The following STT3B variants were observed in gnomAD, a reference collection of about 807,000 sequenced individuals.
STT3B encodes STT3 oligosaccharyltransferase complex catalytic subunit B.
STT3B carries 29 observed loss-of-function variants against 96.8 expected under a neutral mutation model. That is an observed-to-expected ratio of 0.30 (90% confidence interval 0.22 to 0.41). The LOEUF is 0.41. STT3B is among the 10% of genes least tolerant of loss of function. The pLI is 1.00. For synonymous variants in STT3B, 367 were observed against 360.0 expected (o/e 1.02, Z -0.22); for missense variants, 640 against 1,022.3 (o/e 0.63, Z 5.10).
At chr3:31,614,574 C>T (rs556076596) in intron 5 of STT3B, among the ~76,000 whole-genome samples, 3 of 151,874 alleles carry the variant, frequency 2.0e-5, no homozygotes, top group Non-Finnish European at 4.4e-5. Flanking sequence ...TCTTTAATTA[C>T]AGAAAACTTG....
At chr3:31,629,639 G>A (rs1699609967) in intron 14 of STT3B, among the ~76,000 whole-genome samples, 1 of 152,048 alleles carries the variant, frequency 6.6e-6, no homozygotes, top group East Asian at 1.9e-4. Context: ...ATTAACAGTA[G>A]CCTCAAATCC....
intron 9 of STT3B, among the ~76,000 whole-genome samples, chr3:31,620,460 A>G (rs1056575889): frequency 6.6e-6 from 1 of 152,150 alleles, no homozygotes; most frequent in African/African-American, 2.4e-5. Context: ...TTATTTAAGT[A>G]GGAAGAAGTT....
At chr3:31,537,024 G>T (rs1697118292) in intron 1 of STT3B, among the ~76,000 whole-genome samples, 2 of 152,190 alleles carry the variant, frequency 1.3e-5, no homozygotes, top group Admixed American at 1.3e-4. Flanking sequence ...GCCTTAGCAG[G>T]TTATAAAGTG....
chr3:31,624,855 A>T lies in STT3B; in HGVS notation c.1728-59A>T. 5.1e-6 allele frequency: 7 copies of T among 1,385,410 alleles called. No individual in the cohort carries two copies. The South Asian group carries it at 9.1e-5, about 18-fold the overall frequency. The allele number at this position is 1,385,410 out of a possible 1,614,324, so 85.8% of individuals were successfully genotyped here. A position where few individuals can be genotyped will look rare whatever the true frequency, so the allele number is the denominator to read the frequency against. On this transcript the variant is annotated intron_variant, in intron 11 of 15. Transcript: ENST00000295770. ...CAGTGGTTTAATACCTCAAGATTTT[A>T]AGTTAGCCTCTTCACATTTGTGACA...
intron 9 of STT3B, among the ~76,000 whole-genome samples, chr3:31,620,846 G>C (rs1351578247): frequency 3.3e-5 from 5 of 152,146 alleles, no homozygotes; most frequent in African/African-American, 1.2e-4. Flanking sequence ...ACATGAATCA[G>C]GAAAGAAAGA....
intron 1 of STT3B, among the ~76,000 whole-genome samples, chr3:31,566,332 C>T (rs1698005280): frequency 6.6e-6 from 1 of 152,150 alleles, no homozygotes; most frequent in Non-Finnish European, 1.5e-5. Context: ...CCATCTTGAC[C>T]ACTTCATGGC....
chr3:31,625,751 T>G (rs551288932), intron 12 of STT3B, among the ~76,000 whole-genome samples: 131 of 152,320 alleles, frequency 8.6e-4, no homozygotes, highest in African/African-American at 2.9e-3. Flanking sequence ...TGTATTCTGA[T>G]TTTTGACTGT....
In STT3B at chr3:31,616,938, C is replaced by T. The variant is rs1699319037; in HGVS notation, c.986C>T (p.Ala329Val). 1 of 1,603,506 alleles carries T rather than the reference C, an allele frequency of 6.2e-7. No homozygotes were observed. Residue 329 changes from alanine to valine, a missense_variant, in exon 7 of 16, where the codon GCA becomes GTA. This residue lies in a region of STT3B where 267 missense variants were observed against 388.3 expected (regional missense o/e 0.69). Coordinates refer to ENST00000295770, the MANE Select transcript of STT3B (RefSeq NM_178862.3). The part of the protein sequence containing the change: ...SEHMAAAGVF[A>V]LLQAYAFLQY... ...CCTTTTCTTTAATTAGGTGTCTTTG[C>T]ATTGCTGCAAGCTTATGCTTTCTTG...
intron 1 of STT3B, among the ~76,000 whole-genome samples, chr3:31,538,765 T>G (rs900101690): frequency 6.6e-6 from 1 of 152,142 alleles, no homozygotes; most frequent in Non-Finnish European, 1.5e-5. Context: ...CTGTAAATGG[T>G]TAACCTGCTA....
At chr3:31,585,309 C>T (rs1341698430) in intron 3 of STT3B, among the ~76,000 whole-genome samples, 2 of 152,066 alleles carry the variant, frequency 1.3e-5, no homozygotes, top group South Asian at 2.1e-4. Context: ...CCAGCTCTGT[C>T]ACTGGAGGTT....
At chr3:31,563,941 C>T (rs1697939852) in intron 1 of STT3B, among the ~76,000 whole-genome samples, 2 of 152,022 alleles carry the variant, frequency 1.3e-5, no homozygotes, top group Admixed American at 1.3e-4. Context: ...GAGTAGCTGA[C>T]TGCAGCAGGT....
chr3:31,557,763 G>C (rs1382112828), intron 1 of STT3B, among the ~76,000 whole-genome samples: 1 of 152,182 alleles, frequency 6.6e-6, no homozygotes, highest in Non-Finnish European at 1.5e-5. Context: ...CTCCCGAGTA[G>C]CTGGGACCAC....
intron 3 of STT3B, among the ~76,000 whole-genome samples, chr3:31,584,259 C>T (rs1381952058): frequency 6.6e-6 from 1 of 152,186 alleles, no homozygotes; most frequent in Non-Finnish European, 1.5e-5. Flanking sequence ...ACTCTCAATT[C>T]TGTTCCATTC....
At chr3:31,542,886 G>C (rs1697313249) in intron 1 of STT3B, among the ~76,000 whole-genome samples, 1 of 152,054 alleles carries the variant, frequency 6.6e-6, no homozygotes, top group Non-Finnish European at 1.5e-5. Context: ...GGCCAACATG[G>C]TGAAACCCTG....
Position 31,556,130 on chromosome 3 carries a change from C to T in STT3B, c.315-20266C>T, listed in dbSNP as rs540612173. On this transcript the variant is annotated intron_variant, in intron 1 of 15. Coordinates refer to ENST00000295770, the MANE Select transcript of STT3B (RefSeq NM_178862.3). ...ATCAACTTTTTTTTTTTTTCCGTTCCCACGAATGAGTGAGAACTGTGAAAT... is the reference window on the plus strand; with the variant it reads ...ATCAACTTTTTTTTTTTTTCCGTTCTCACGAATGAGTGAGAACTGTGAAAT... 2.0e-5 allele frequency among the ~76,000 whole-genome samples: 3 copies of T among 151,864 alleles called. No homozygotes were observed. The East Asian group carries it at 5.8e-4, about 29-fold the overall frequency.
intron 1 of STT3B, among the ~76,000 whole-genome samples, chr3:31,569,226 A>C (rs535279405): frequency 2.1e-4 from 32 of 152,084 alleles, no homozygotes; most frequent in Non-Finnish European, 3.4e-4. Context: ...TCCTGGGCTC[A>C]AGCAATCCTC....
At chr3:31,592,918 G>A (rs1338303325) in intron 3 of STT3B, among the ~76,000 whole-genome samples, 1 of 152,208 alleles carries the variant, frequency 6.6e-6, no homozygotes, top group Non-Finnish European at 1.5e-5. Context: ...CAGAGGAGGA[G>A]GGACTTGCAA....
chr3:31,544,444 T>C (rs1375476914), intron 1 of STT3B, among the ~76,000 whole-genome samples: 1 of 152,258 alleles, frequency 6.6e-6, no homozygotes, highest in African/African-American at 2.4e-5. Flanking sequence ...TTATTTTCTT[T>C]TATTATGCAT....
chr3:31,576,483 A>T lies in STT3B; in HGVS notation c.402A>T (p.Leu134=). ...NWFDERAWYP[L]GRIVGGTVYP... The stretch of plus-strand genomic sequence containing the variant: ...TTGATGAAAGAGCATGGTATCCACT[A>T]GGAAGAATAGTAGGTGGTACTGTAA... Residue 134 remains leucine (L), a synonymous_variant, in exon 2 of 16, where the codon CTA becomes CTT. Coordinates refer to ENST00000295770, the MANE Select transcript of STT3B (RefSeq NM_178862.3). The T allele has an allele frequency of 1.9e-6, 3 of 1,585,504 alleles. No individual in the cohort carries two copies. The highest frequency in any genetic ancestry group is 2.6e-6 in the Non-Finnish European group (3 of 1,159,092).
Sources: gnomAD v4.1 joint callset for allele counts (sites outside exome capture counted in the v4.1 genomes callset) on GRCh38, gnomAD v4.1.1 for gene constraint, gnomAD v4.1.1 regional missense constraint, MANE v1.5 for transcripts, NCBI Gene and HGNC (gene_info 2026-07-23, HGNC 2026-07-21) for gene names.